The following SORCS2 variants were observed in gnomAD, a reference collection of about 807,000 sequenced individuals.
SORCS2 encodes the protein VPS10 domain-containing receptor SorCS2.
SORCS2 carries 100 observed loss-of-function variants against 141.6 expected under a neutral mutation model. The ratio of observed to expected loss-of-function variants is 0.71; its 90% CI spans 0.60 to 0.83. SORCS2 has a LOEUF of 0.83. SORCS2 is among the 40% of genes least tolerant of loss of function. The probability of loss-of-function intolerance (pLI) is 0.00; values close to 1 mark genes in which losing one functional copy is unlikely to be tolerated. For missense variants in SORCS2, 1,646 were observed against 1,560.2 expected (o/e 1.05, Z -0.93); for synonymous variants, 789 against 676.9 (o/e 1.17, Z -2.57).
At chr4:7,362,412 C>G (rs1257873248) in intron 1 of SORCS2, among the ~76,000 whole-genome samples, 1 of 152,164 alleles carries the variant, frequency 6.6e-6, no homozygotes, top group East Asian at 1.9e-4. Context: ...GCCCTGATCT[C>G]AAGCCCTGGA....
chr4:7,702,789 C>T (rs767338321), intron 12 of SORCS2, among the ~76,000 whole-genome samples: 1 of 152,258 alleles, frequency 6.6e-6, no homozygotes, highest in Non-Finnish European at 1.5e-5. Flanking sequence ...GACAGATGAG[C>T]ATAGTAAGTG....
intron 1 of SORCS2, among the ~76,000 whole-genome samples, chr4:7,242,748 G>C (rs548030836): frequency 5.9e-5 from 9 of 152,290 alleles, no homozygotes; most frequent in South Asian, 2.1e-4. Flanking sequence ...TCCAGACTCC[G>C]TGGCCATTAC....
chr4:7,416,017 T>A (rs932467639), intron 2 of SORCS2, among the ~76,000 whole-genome samples: 4 of 152,268 alleles, frequency 2.6e-5, no homozygotes, highest in South Asian at 2.1e-4. Flanking sequence ...TGTAGCAGCC[T>A]GGTGTGGAGG....
At chr4:7,529,793 C>A (rs1577703492) in intron 2 of SORCS2, among the ~76,000 whole-genome samples, 1 of 152,232 alleles carries the variant, frequency 6.6e-6, no homozygotes, top group Admixed American at 6.5e-5. Flanking sequence ...AAAATCAATT[C>A]TCTGAGATTT....
intron 1 of SORCS2, among the ~76,000 whole-genome samples, chr4:7,290,971 A>G (rs1477135216): frequency 6.6e-6 from 1 of 151,980 alleles, no homozygotes; most frequent in East Asian, 1.9e-4. Flanking sequence ...CAACCTGATC[A>G]CTCCTAGAAG....
chr4:7,454,039 C>T (rs1360829078), intron 2 of SORCS2, among the ~76,000 whole-genome samples: 14 of 53,614 alleles, frequency 2.6e-4, no homozygotes, highest in East Asian at 6.6e-4. Flanking sequence ...TGTGTTGGGG[C>T]CAGGCACTGT....
At chr4:7,719,472 G>A (rs10022742) in intron 18 of SORCS2, among the ~76,000 whole-genome samples, 84,457 of 152,100 alleles carry the variant, frequency 0.56, 23,845 homozygotes, top group African/African-American at 0.65. Context: ...CAGGGCTGGC[G>A]TTGGGGTCCC....
intron 1 of SORCS2, among the ~76,000 whole-genome samples, chr4:7,198,424 G>GCA (rs1467502525): frequency 6.6e-6 from 1 of 152,228 alleles, no homozygotes; most frequent in Non-Finnish European, 1.5e-5. Context: ...TTGGGGTTTT[G>GCA]TATTTAAGTA....
At chr4:7,540,947 C>T (rs1712598550) in intron 3 of SORCS2, among the ~76,000 whole-genome samples, 1 of 152,208 alleles carries the variant, frequency 6.6e-6, no homozygotes, top group Non-Finnish European at 1.5e-5. Flanking sequence ...CACGAGGCTG[C>T]CCTCAGGTCA....
intron 2 of SORCS2, among the ~76,000 whole-genome samples, chr4:7,448,288 T>C (rs1235561830): frequency 6.6e-6 from 1 of 152,042 alleles, no homozygotes; most frequent in East Asian, 1.9e-4. Context: ...CGTCACCCAG[T>C]GTGGCCAAGG....
At chr4:7,528,758 C>T (rs1250924910) in intron 2 of SORCS2, among the ~76,000 whole-genome samples, 2 of 152,024 alleles carry the variant, frequency 1.3e-5, no homozygotes, top group Non-Finnish European at 2.9e-5. Context: ...TCCTCAGGGC[C>T]CTTGTACCTG....
At chr4:7,691,999 C>G (rs1724288665) in intron 11 of SORCS2, among the ~76,000 whole-genome samples, 2 of 151,784 alleles carry the variant, frequency 1.3e-5, no homozygotes, top group South Asian at 4.2e-4. Context: ...GCTTGCCCCC[C>G]ACTGTCCCTA....
In SORCS2 at chr4:7,258,427, G is replaced by A. The variant is rs1367950837; in HGVS notation, c.480+65301G>A. ...TTTTCTGATCTTGTGATAGTTTGCT[G>A]AGAATGATGGTTTCTAGCTTCATCC... On this transcript the variant is annotated intron_variant, in intron 1 of 26. Coordinates refer to ENST00000507866, the MANE Select transcript of SORCS2 (RefSeq NM_020777.3). 2.6e-5 allele frequency among the ~76,000 whole-genome samples: 4 copies of A among 152,320 alleles called. No homozygotes were observed. In the East Asian group the frequency reaches 7.7e-4, roughly 29 times the overall value.
chr4:7,227,551 G>A (rs577681797), intron 1 of SORCS2, among the ~76,000 whole-genome samples: 172 of 152,274 alleles, frequency 1.1e-3, no homozygotes, highest in African/African-American at 3.9e-3. Flanking sequence ...TTGGTGGAAG[G>A]TGGCAGGGGG....
intron 2 of SORCS2, among the ~76,000 whole-genome samples, chr4:7,424,612 C>G (rs1411172978): frequency 6.6e-6 from 1 of 152,186 alleles, no homozygotes; most frequent in Non-Finnish European, 1.5e-5. Flanking sequence ...GTGGCAGGAG[C>G]GCCCCCCTCT....
intron 3 of SORCS2, among the ~76,000 whole-genome samples, chr4:7,625,453 G>C (rs1719456063): frequency 6.6e-6 from 1 of 151,966 alleles, no homozygotes; most frequent in Admixed American, 6.6e-5. Flanking sequence ...GTGGGGGCTA[G>C]TGCCTAGCAC....
chr4:7,453,754 A>T (rs1462282797), intron 2 of SORCS2, among the ~76,000 whole-genome samples: 112 of 56,732 alleles, frequency 2.0e-3, no homozygotes, highest in African/African-American at 3.1e-3. Context: ...TGGGGTCAGG[A>T]GCTGTGTGTT....
At chr4:7,247,517 A>G (rs1333716653) in intron 1 of SORCS2, among the ~76,000 whole-genome samples, 1 of 152,212 alleles carries the variant, frequency 6.6e-6, no homozygotes, top group African/African-American at 2.4e-5. Flanking sequence ...CGGCATCGTA[A>G]AACAAAGCAA....
chr4:7,470,541 C>A (rs984910232), intron 2 of SORCS2, among the ~76,000 whole-genome samples: 1 of 152,204 alleles, frequency 6.6e-6, no homozygotes, highest in Non-Finnish European at 1.5e-5. Flanking sequence ...GCCAAGGAGA[C>A]CCATGTGAGC....
Sources: gnomAD v4.1 joint callset for allele counts (sites outside exome capture counted in the v4.1 genomes callset) on GRCh38, gnomAD v4.1.1 for gene constraint, MANE v1.5 for transcripts, NCBI Gene and HGNC (gene_info 2026-07-23, HGNC 2026-07-21) for gene names.